RBM27: variants seen among roughly 807,000 people sequenced by gnomAD.
RBM27 encodes the protein RNA binding motif protein 27.
RBM27 carries 22 observed loss-of-function variants against 135.3 expected under a neutral mutation model. The observed-to-expected ratio is 0.16, with a 90% CI of 0.12 to 0.23. The LOEUF is 0.23. RBM27 is among the 10% of genes least tolerant of loss of function. The probability of loss-of-function intolerance (pLI) is 1.00; values close to 1 mark genes in which losing one functional copy is unlikely to be tolerated. For missense variants in RBM27, 1,009 were observed against 1,281.0 expected (o/e 0.79, Z 3.24); for synonymous variants, 481 against 442.4 (o/e 1.09, Z -1.10).
At chr5:146,268,406 C>T (rs373028783) in intron 15 of RBM27, among the ~76,000 whole-genome samples, 2 of 151,910 alleles carry the variant, frequency 1.3e-5, no homozygotes, top group Non-Finnish European at 2.9e-5. Context: ...CCACCCCTGG[C>T]TAATTTTGTA....
rs76953332 is a variant in RBM27 at position 146,216,589 on chromosome 5, T to A, written c.60-2396T>A. On this transcript the variant is annotated intron_variant, in intron 1 of 20. Transcript: ENST00000265271. ...CAATTTTAGAATTTAACAGTTGGCC[T>A]TACTAAGGTTATCTGTTCATAATTC... Among the ~76,000 whole-genome samples the A allele has an allele frequency of 3.1e-3, 474 of 152,340 alleles. 4 individuals carry two copies. The highest frequency in any genetic ancestry group is 0.011 in the African/African-American group (458 of 41,588).
chr5:146,229,110 AT>A, intron 4 of RBM27, 73 bp downstream of exon 4: 2 of 1,063,362 alleles, frequency 1.9e-6, no homozygotes, highest in Non-Finnish European at 2.9e-6. Context: ...CATTAAAGGG[AT>A]TTTTAATATA....
At chr5:146,252,321 TAAA>T (rs1283659703) in intron 9 of RBM27, among the ~76,000 whole-genome samples, 1 of 152,254 alleles carries the variant, frequency 6.6e-6, no homozygotes, top group African/African-American at 2.4e-5. Context: ...TAGCGATTCT[TAAA>T]AACTCTTTTC....
At chr5:146,241,177 G>C in intron 8 of RBM27, among the ~76,000 whole-genome samples, 1 of 151,822 alleles carries the variant, frequency 6.6e-6, no homozygotes, top group Middle Eastern at 3.4e-3. Context: ...AAAAAATCTG[G>C]CAATTACCAT....
chr5:146,281,143 T>G (rs977883560), intron 19 of RBM27, among the ~76,000 whole-genome samples: 17 of 152,268 alleles, frequency 1.1e-4, no homozygotes, highest in African/African-American at 4.1e-4. Flanking sequence ...GCGCCCAGCC[T>G]TTGCAGTCTA....
At chr5:146,211,210 G>A (rs555318154) in intron 1 of RBM27, among the ~76,000 whole-genome samples, 2 of 152,104 alleles carry the variant, frequency 1.3e-5, no homozygotes, top group African/African-American at 4.8e-5. Flanking sequence ...AGCCTGGGAG[G>A]TTGAGGCTGC....
intron 13 of RBM27, among the ~76,000 whole-genome samples, chr5:146,263,019 G>A (rs1392162277): frequency 6.6e-6 from 1 of 151,592 alleles, no homozygotes; most frequent in African/African-American, 2.4e-5. Flanking sequence ...GAGTAGCTGC[G>A]ACTACAGGTG....
At chr5:146,273,048 G>A (rs1758938512) in intron 19 of RBM27, among the ~76,000 whole-genome samples, 1 of 152,132 alleles carries the variant, frequency 6.6e-6, no homozygotes. Context: ...GTTGATTTTT[G>A]CCTTTTAAGG....
At chr5:146,223,203 C>T (rs1756529768) in intron 2 of RBM27, among the ~76,000 whole-genome samples, 200 bp from the exon 3 acceptor site, 1 of 152,072 alleles carries the variant, frequency 6.6e-6, no homozygotes, top group African/African-American at 2.4e-5. Context: ...AACAAATAAT[C>T]TTACATATAT....
chr5:146,213,248 A>G (rs1426049596), intron 1 of RBM27, among the ~76,000 whole-genome samples: 1 of 152,114 alleles, frequency 6.6e-6, no homozygotes, highest in Non-Finnish European at 1.5e-5. Flanking sequence ...GATAACAGGC[A>G]TGCACCACCA....
At chr5:146,275,076 G>A (rs1561567341) in intron 19 of RBM27, among the ~76,000 whole-genome samples, 1 of 151,058 alleles carries the variant, frequency 6.6e-6, no homozygotes. Context: ...CTTAGCTCCT[G>A]GGTCGTTAAA....
At chr5:146,261,209 T>C (rs1205275684) in intron 12 of RBM27, among the ~76,000 whole-genome samples, 1 of 152,198 alleles carries the variant, frequency 6.6e-6, no homozygotes, top group East Asian at 1.9e-4. Flanking sequence ...GCTGTCTTCC[T>C]CGCTTGCAGA....
intron 13 of RBM27, among the ~76,000 whole-genome samples, chr5:146,263,257 G>A (rs548682684): frequency 6.6e-6 from 1 of 152,084 alleles, no homozygotes; most frequent in Non-Finnish European, 1.5e-5. Flanking sequence ...TTTTTTGTGT[G>A]TAGGTGCATG....
intron 1 of RBM27, among the ~76,000 whole-genome samples, chr5:146,205,979 C>T (rs1409232675): frequency 6.6e-6 from 1 of 152,034 alleles, no homozygotes; most frequent in African/African-American, 2.4e-5. Flanking sequence ...TAGATCAGGC[C>T]ACTGCTCTCC....
At chr5:146,274,067 C>T (rs1351417283) in intron 19 of RBM27, among the ~76,000 whole-genome samples, 1 of 152,190 alleles carries the variant, frequency 6.6e-6, no homozygotes, top group Non-Finnish European at 1.5e-5. Context: ...TCATTGCAAC[C>T]TCCACCTCCT....
intron 12 of RBM27, 64 bp from the exon 13 acceptor site, chr5:146,261,446 T>C (rs148681263): frequency 1.5e-6 from 2 of 1,343,866 alleles, no homozygotes; most frequent in African/African-American, 1.5e-5. Context: ...TACATAGCAG[T>C]GGGTCATAAT....
intron 1 of RBM27, among the ~76,000 whole-genome samples, chr5:146,213,374 C>T (rs1055167011): frequency 1.3e-5 from 2 of 152,148 alleles, no homozygotes; most frequent in African/African-American, 4.8e-5. Flanking sequence ...GTTGGGATTA[C>T]AGACGTGAGC....
In RBM27 at chr5:146,284,581, T is replaced by C. The variant is rs576575293; in HGVS notation, c.2989-41T>C. 40 of 1,292,948 alleles carry C rather than the reference T, an allele frequency of 3.1e-5. No individual in the cohort carries two copies. The African/African-American group carries it at 5.0e-4, about 16-fold the overall frequency. The allele number at this position is 1,292,948 out of a possible 1,614,324, so 80.1% of individuals were successfully genotyped here. On this transcript the variant is annotated intron_variant, in intron 19 of 20. Coordinates refer to ENST00000265271, the MANE Select transcript of RBM27 (RefSeq NM_018989.2). ...AGAATTTGCAGAAATCATTAGTAAA[T>C]TTGAGTGCAAACTTGTATGTTCTTC... is the stretch of plus-strand genomic sequence containing the variant.
chr5:146,225,439 G>C (rs1282384290), intron 3 of RBM27, among the ~76,000 whole-genome samples: 2 of 152,062 alleles, frequency 1.3e-5, no homozygotes, highest in African/African-American at 2.4e-5. Context: ...TGAGACTGCT[G>C]TCTGTTTTTT....
Sources: allele counts gnomAD v4.1 joint callset (sites outside exome capture counted in the v4.1 genomes callset), GRCh38; gene constraint gnomAD v4.1.1; transcripts MANE v1.5; gene names NCBI Gene and HGNC (gene_info 2026-07-23, HGNC 2026-07-21).